RAPGEF4: variants seen among roughly 807,000 people sequenced by gnomAD.
The protein encoded by RAPGEF4 is RAP guanine-nucleotide-exchange factor (GEF) 4.
A neutral mutation model predicts 147.9 loss-of-function variants in RAPGEF4; 66 were observed. The ratio of observed to expected loss-of-function variants is 0.45; its 90% confidence interval spans 0.37 to 0.55. The LOEUF (loss-of-function observed/expected upper bound fraction) is 0.55. Among genes scored for constraint, RAPGEF4 ranks in the 20% least tolerant of loss-of-function variants. The probability of loss-of-function intolerance (pLI) is 0.00; values close to 1 mark genes in which losing one functional copy is unlikely to be tolerated. For synonymous variants in RAPGEF4, 419 were observed against 442.7 expected (o/e 0.95, Z 0.67); for missense variants, 1,071 against 1,257.3 (o/e 0.85, Z 2.24).
In RAPGEF4 at chr2:172,968,788, G is replaced by C. The variant is rs527853261; in HGVS notation, c.1004+1344G>C. ...TTCTCTGCCCTGAAGGATCATAGGA[G>C]AGCATGGCTGAGGGGGCACAAGAGA... On this transcript the variant is annotated intron_variant, in intron 10 of 30. Coordinates refer to ENST00000397081, the MANE Select transcript of RAPGEF4 (RefSeq NM_007023.4). Among the ~76,000 whole-genome samples the C allele has an allele frequency of 3.9e-5, 6 of 152,300 alleles. No individual in the cohort carries two copies. The East Asian group carries it at 1.2e-3, about 29-fold the overall frequency.
chr2:172,995,357 G>A (rs35527769), intron 15 of RAPGEF4, among the ~76,000 whole-genome samples: 28,508 of 151,180 alleles, frequency 0.19, 3,156 homozygotes, highest in Non-Finnish European at 0.25. Context: ...TCCGCTCACT[G>A]CAGCCTCCGC....
chr2:172,944,573 A>C (rs17707776), intron 6 of RAPGEF4, among the ~76,000 whole-genome samples: 5,419 of 152,256 alleles, frequency 0.036, 135 homozygotes, highest in Admixed American at 0.067. Flanking sequence ...GGAGCCTCAC[A>C]TAAGGGAAGC....
At chr2:172,800,020 T>G (rs1686812484) in intron 3 of RAPGEF4, among the ~76,000 whole-genome samples, 1 of 152,164 alleles carries the variant, frequency 6.6e-6, no homozygotes, top group Non-Finnish European at 1.5e-5. Flanking sequence ...ATTCAACAAT[T>G]TTAACTAAAC....
At chr2:172,938,242 C>CAT (rs1553535285) in intron 6 of RAPGEF4, among the ~76,000 whole-genome samples, 1 of 151,830 alleles carries the variant, frequency 6.6e-6, no homozygotes, top group Non-Finnish European at 1.5e-5. Context: ...CACACACACA[C>CAT]ACAGACAACC....
intron 23 of RAPGEF4, among the ~76,000 whole-genome samples, chr2:173,022,519 G>A (rs941239492): frequency 3.9e-5 from 6 of 152,200 alleles, no homozygotes; most frequent in South Asian, 2.1e-4. Context: ...ACAGCCCATC[G>A]AGGAGGAGTC....
chr2:173,047,745 C>T (rs1021996866), intron 29 of RAPGEF4, among the ~76,000 whole-genome samples: 3 of 151,568 alleles, frequency 2.0e-5, no homozygotes, highest in Admixed American at 6.6e-5. Flanking sequence ...GGCGCGATCT[C>T]GGCTCACTGC....
chr2:172,895,000 G>GA (rs1698327770), intron 4 of RAPGEF4, among the ~76,000 whole-genome samples: 1 of 151,872 alleles, frequency 6.6e-6, no homozygotes, highest in African/African-American at 2.4e-5. Context: ...CCAAGCAGAA[G>GA]AACTGATTTT....
At chr2:172,862,616 C>A (rs964118880) in intron 4 of RAPGEF4, among the ~76,000 whole-genome samples, 1 of 152,092 alleles carries the variant, frequency 6.6e-6, no homozygotes, top group African/African-American at 2.4e-5. Flanking sequence ...CTGTCTAGTT[C>A]CTTGACTTTA....
At chr2:172,882,041 T>A (rs1288402642) in intron 4 of RAPGEF4, among the ~76,000 whole-genome samples, 1 of 152,182 alleles carries the variant, frequency 6.6e-6, no homozygotes, top group East Asian at 1.9e-4. Context: ...TTAAAATATA[T>A]ATGTGGTGTG....
chr2:172,965,957 G>C (rs563577735), intron 9 of RAPGEF4, among the ~76,000 whole-genome samples: 3 of 152,346 alleles, frequency 2.0e-5, no homozygotes, highest in African/African-American at 7.2e-5. Flanking sequence ...TTATTAGTTT[G>C]CATTCACGGT....
At chr2:172,894,003 C>T (rs1559103255) in intron 4 of RAPGEF4, 1 of 152,788 alleles carries the variant, frequency 6.5e-6, no homozygotes, top group East Asian at 1.9e-4. Context: ...TGGAAAGCCC[C>T]TATTTTAATT....
intron 4 of RAPGEF4, among the ~76,000 whole-genome samples, chr2:172,917,155 T>G (rs1684158134): frequency 6.6e-6 from 1 of 152,232 alleles, no homozygotes; most frequent in South Asian, 2.1e-4. Context: ...TTATGCTAAG[T>G]GCCAGGTTTT....
At chr2:172,988,396 A>G (rs552299029) in intron 13 of RAPGEF4, 124 bp downstream of exon 13, 1 of 1,430,894 alleles carries the variant, frequency 7.0e-7, no homozygotes, top group Non-Finnish European at 9.1e-7. Context: ...TAGAAAAGAC[A>G]TTATTGTATC....
chr2:172,876,563 A>G (rs1695950172), intron 4 of RAPGEF4, among the ~76,000 whole-genome samples: 2 of 152,086 alleles, frequency 1.3e-5, no homozygotes, highest in African/African-American at 2.4e-5. Context: ...ATTGATTTGC[A>G]TGTGTTGAAC....
At chr2:172,822,640 T>C (rs1689195017) in intron 4 of RAPGEF4, among the ~76,000 whole-genome samples, 1 of 152,228 alleles carries the variant, frequency 6.6e-6, no homozygotes, top group Non-Finnish European at 1.5e-5. Flanking sequence ...GTAGTTGCTT[T>C]CTCTGAGCTG....
At chr2:172,753,690 G>T (rs1695503062) in intron 1 of RAPGEF4, among the ~76,000 whole-genome samples, 1 of 152,024 alleles carries the variant, frequency 6.6e-6, no homozygotes, top group African/African-American at 2.4e-5. Context: ...TGAAATTATA[G>T]GGGAAAAGGA....
intron 1 of RAPGEF4, among the ~76,000 whole-genome samples, chr2:172,749,653 C>G (rs1323031048): frequency 1.3e-5 from 2 of 152,250 alleles, no homozygotes; most frequent in Non-Finnish European, 2.9e-5. Flanking sequence ...TCTCCATTGT[C>G]TTGCTGACTA....
At chr2:172,988,325 G>A in intron 13 of RAPGEF4, 53 bp downstream of exon 13, 1 of 1,561,730 alleles carries the variant, frequency 6.4e-7, no homozygotes, top group Non-Finnish European at 8.6e-7. Flanking sequence ...TTACTAGTGT[G>A]GCTCTAAGTA....
chr2:172,795,017 C>T lies in RAPGEF4; in HGVS notation c.66-8C>T. ...GACATAGCTTTTGTGCCTTTTCTCC[C>T]TATACAGACCACTGGAGCGATCCAG... On this transcript the variant is annotated splice_region_variant and splice_polypyrimidine_tract_variant and intron_variant, in intron 1 of 30. Coordinates refer to ENST00000397081, the MANE Select transcript of RAPGEF4 (RefSeq NM_007023.4). 2.5e-6 allele frequency: 4 copies of T among 1,611,832 alleles called. No individual in the cohort carries two copies. Among genetic ancestry groups the T allele is most frequent in the Non-Finnish European group, 3.4e-6 (4 of 1,178,968 alleles).
Sources: allele counts gnomAD v4.1 joint callset (sites outside exome capture counted in the v4.1 genomes callset), GRCh38; gene constraint gnomAD v4.1.1; transcripts MANE v1.5; gene names NCBI Gene and HGNC (gene_info 2026-07-23, HGNC 2026-07-21).